The following PRKAR1A variants were observed in gnomAD, a reference collection of about 807,000 sequenced individuals.
PRKAR1A encodes the protein cAMP-dependent protein kinase type I-alpha regulatory subunit.
In PRKAR1A, 3 loss-of-function variants were observed where a neutral mutation model predicts 52.0. The ratio of observed to expected loss-of-function variants is 0.06; its 90% CI spans 0.03 to 0.15. The LOEUF (loss-of-function observed/expected upper bound fraction) is 0.15, where lower values mean the gene tolerates loss of function less well. Among genes scored for constraint, PRKAR1A ranks in the 10% least tolerant of loss-of-function variants. The pLI is 1.00. For missense variants in PRKAR1A, 240 were observed against 477.4 expected, an observed-to-expected ratio of 0.50 and a Z score of 4.63; for synonymous variants, 188 against 168.4, an observed-to-expected ratio of 1.12 and a Z score of -0.90.
At chr17:68,496,763 T>C in the PRKAR1A span, among the ~76,000 whole-genome samples, 4 of 150,794 alleles carry the variant, frequency 2.7e-5, no homozygotes, top group Non-Finnish European at 4.4e-5. Flanking sequence ...AAAGAAGGGG[T>C]CAACAAATTT....
chr17:68,473,996 A>G, the PRKAR1A span, among the ~76,000 whole-genome samples: 2 of 152,168 alleles, frequency 1.3e-5, no homozygotes, highest in Admixed American at 1.3e-4. Flanking sequence ...AAACATGTGC[A>G]TGTATTCGTT....
the PRKAR1A span, among the ~76,000 whole-genome samples, chr17:68,501,432 C>A: frequency 6.6e-6 from 1 of 152,150 alleles, no homozygotes; most frequent in Admixed American, 6.5e-5. Flanking sequence ...AATCAATAAG[C>A]TGATGATTTC....
chr17:68,468,454 C>G, the PRKAR1A span, among the ~76,000 whole-genome samples: 1 of 152,170 alleles, frequency 6.6e-6, no homozygotes, highest in African/African-American at 2.4e-5. Context: ...TTTAGGAACA[C>G]TATCAGAAAA....
At chr17:68,489,056 T>C in the PRKAR1A span, among the ~76,000 whole-genome samples, 3 of 149,270 alleles carry the variant, frequency 2.0e-5, no homozygotes, top group Admixed American at 6.7e-5. Flanking sequence ...TCTGAATAAG[T>C]TTGGGCTATT....
chr17:68,507,489 G>C (rs1290875749), upstream of PRKAR1A, among the ~76,000 whole-genome samples: 1 of 152,112 alleles, frequency 6.6e-6, no homozygotes. Flanking sequence ...CACACACTGG[G>C]GCCTGTTGGG....
At chr17:68,468,072 A>G in the PRKAR1A span, among the ~76,000 whole-genome samples, 47 of 152,064 alleles carry the variant, frequency 3.1e-4, 1 homozygote, top group South Asian at 6.4e-3. Context: ...ATTTATAGAT[A>G]TACATTTTTT....
intron 2 of PRKAR1A, among the ~76,000 whole-genome samples, chr17:68,522,023 T>C (rs2085627344): frequency 6.6e-6 from 1 of 152,246 alleles, no homozygotes; most frequent in Admixed American, 6.5e-5. Flanking sequence ...TAAACTCTTT[T>C]TGTCTTTTAA....
chr17:68,532,365 C>G lies in PRKAR1A; in HGVS notation c.*1916C>G. 9.5e-7 allele frequency: 1 copy of G among 1,056,504 alleles called. No homozygotes were observed. Among genetic ancestry groups the G allele is most frequent in the Non-Finnish European group, 1.1e-6 (1 of 871,182 alleles). 65.4% of individuals were successfully genotyped at this position (1,056,504 alleles called of 1,614,324 possible). On this transcript the variant is annotated 3_prime_UTR_variant, in exon 11 of 11. Coordinates refer to ENST00000589228, the MANE Select transcript of PRKAR1A (RefSeq NM_002734.5). ...CATGTATATTTAGTTACGTATAATGCTTTCTGAGTGAGTTTTACTCTTAAA... is the reference window on the plus strand; with the variant it reads ...CATGTATATTTAGTTACGTATAATGGTTTCTGAGTGAGTTTTACTCTTAAA...
chr17:68,526,123 T>C (rs2085783027), intron 7 of PRKAR1A, among the ~76,000 whole-genome samples: 2 of 152,256 alleles, frequency 1.3e-5, no homozygotes, highest in Non-Finnish European at 2.9e-5. Context: ...AGTGATATTT[T>C]AGAACAAAAC....
the PRKAR1A span, among the ~76,000 whole-genome samples, chr17:68,458,863 G>T: frequency 6.6e-6 from 1 of 152,004 alleles, no homozygotes; most frequent in Non-Finnish European, 1.5e-5. Context: ...TTATTAGGTT[G>T]GTGCAAAAGT....
chr17:68,420,736 T>C, the PRKAR1A span: 681 of 467,602 alleles, frequency 1.5e-3, 3 homozygotes, highest in Non-Finnish European at 2.0e-3. Flanking sequence ...GCTTTTGAAC[T>C]TGGGCAATTG....
the PRKAR1A span, among the ~76,000 whole-genome samples, chr17:68,491,990 G>A: frequency 6.6e-6 from 1 of 152,336 alleles, no homozygotes; most frequent in African/African-American, 2.4e-5. Context: ...GCAGACAGGG[G>A]AAGGGTTGGA....
At chr17:68,443,848 A>G in the PRKAR1A span, among the ~76,000 whole-genome samples, 5 of 152,178 alleles carry the variant, frequency 3.3e-5, no homozygotes, top group Non-Finnish European at 5.9e-5. Flanking sequence ...TCCTCACCCC[A>G]CCACACAATG....
chr17:68,492,067 T>C, the PRKAR1A span, among the ~76,000 whole-genome samples: 1 of 152,240 alleles, frequency 6.6e-6, no homozygotes, highest in African/African-American at 2.4e-5. Flanking sequence ...GAAGCCTGTG[T>C]CTTTTCTGCC....
At chr17:68,538,086 G>A (rs545692604), downstream of PRKAR1A, among the ~76,000 whole-genome samples, 1 of 152,338 alleles carries the variant, frequency 6.6e-6, no homozygotes, top group South Asian at 2.1e-4. Flanking sequence ...GCTAATGGGA[G>A]AAGTTTCTAG....
At chr17:68,522,115 G>A (rs1168126563) in intron 2 of PRKAR1A, among the ~76,000 whole-genome samples, 1 of 152,252 alleles carries the variant, frequency 6.6e-6, no homozygotes, top group African/African-American at 2.4e-5. Flanking sequence ...GTTTAAATTC[G>A]TGGTTACCAT....
the PRKAR1A span, chr17:68,444,354 CA>C: frequency 1.3e-6 from 1 of 741,632 alleles, no homozygotes; most frequent in Non-Finnish European, 2.3e-6. Flanking sequence ...GCCATTAAGA[CA>C]AAGCTTCGAG....
chr17:68,429,296 G>C, the PRKAR1A span, among the ~76,000 whole-genome samples: 3 of 152,296 alleles, frequency 2.0e-5, no homozygotes, highest in South Asian at 2.1e-4. Context: ...TGGAGGATTG[G>C]CTTACTGTCT....
At chr17:68,511,525 C>G (rs1474614701), upstream of PRKAR1A, among the ~76,000 whole-genome samples, 1 of 152,230 alleles carries the variant, frequency 6.6e-6, no homozygotes, top group Non-Finnish European at 1.5e-5. Flanking sequence ...TGCACTTCTC[C>G]CTCTGTGAGG....
Sources: allele counts gnomAD v4.1 joint callset (sites outside exome capture counted in the v4.1 genomes callset), GRCh38; gene constraint gnomAD v4.1.1; transcripts MANE v1.5; gene names NCBI Gene and HGNC (gene_info 2026-07-23, HGNC 2026-07-21).